ABTB3: variants seen among roughly 807,000 people sequenced by gnomAD.
The protein encoded by ABTB3 is ankyrin repeat- and BTB/POZ domain-containing protein 3.
At chr12:107,548,880 A>G in the ABTB3 span, among the ~76,000 whole-genome samples, 1 of 152,156 alleles carries the variant, frequency 6.6e-6, no homozygotes, top group Non-Finnish European at 1.5e-5. Context: ...TTAGTAATTT[A>G]TTACCACAAG....
chr12:107,541,624 T>C, the ABTB3 span, among the ~76,000 whole-genome samples: 1 of 152,260 alleles, frequency 6.6e-6, no homozygotes, highest in Non-Finnish European at 1.5e-5. Context: ...GTCTTTTCTC[T>C]TAAAGCCTTC....
At chr12:107,505,157 C>A in the ABTB3 span, among the ~76,000 whole-genome samples, 1 of 152,064 alleles carries the variant, frequency 6.6e-6, no homozygotes, top group African/African-American at 2.4e-5. Context: ...CCTAACTGCC[C>A]ATCACCTTCC....
the ABTB3 span, among the ~76,000 whole-genome samples, chr12:107,581,925 C>T: frequency 6.6e-6 from 1 of 152,166 alleles, no homozygotes; most frequent in Non-Finnish European, 1.5e-5. Flanking sequence ...TGTGTGCGTG[C>T]GCGTGCACGC....
the ABTB3 span, among the ~76,000 whole-genome samples, chr12:107,353,082 T>C: frequency 6.6e-6 from 1 of 152,216 alleles, no homozygotes; most frequent in Non-Finnish European, 1.5e-5. Context: ...GTGATGGTCA[T>C]GTGGCTTAGT....
the ABTB3 span, among the ~76,000 whole-genome samples, chr12:107,442,212 G>A: frequency 8.5e-5 from 13 of 152,228 alleles, no homozygotes; most frequent in African/African-American, 3.1e-4. Flanking sequence ...TAAATGTATA[G>A]ATGAGTGAGT....
the ABTB3 span, among the ~76,000 whole-genome samples, chr12:107,533,906 A>G: frequency 6.6e-6 from 1 of 152,378 alleles, no homozygotes; most frequent in South Asian, 2.1e-4. Context: ...ATTTTTAAAA[A>G]CTGAAATCAT....
the ABTB3 span, among the ~76,000 whole-genome samples, chr12:107,517,763 T>C: frequency 2.0e-5 from 3 of 152,060 alleles, no homozygotes; most frequent in South Asian, 4.1e-4. Context: ...AATTGACAAA[T>C]GGGATCTAAT....
the ABTB3 span, among the ~76,000 whole-genome samples, chr12:107,553,413 T>C: frequency 6.6e-6 from 1 of 152,184 alleles, no homozygotes; most frequent in East Asian, 1.9e-4. Flanking sequence ...CCCAAGGTCA[T>C]GCACATTGGG....
chr12:107,628,824 C>A, the ABTB3 span, among the ~76,000 whole-genome samples: 1 of 152,146 alleles, frequency 6.6e-6, no homozygotes, highest in African/African-American at 2.4e-5. Flanking sequence ...GAAAAGAACA[C>A]CAAGGCCCAG....
At chr12:107,413,398 A>AT in the ABTB3 span, among the ~76,000 whole-genome samples, 1 of 152,232 alleles carries the variant, frequency 6.6e-6, no homozygotes, top group East Asian at 1.9e-4. Context: ...CACACAGCTC[A>AT]CAGCCTGAGC....
the ABTB3 span, among the ~76,000 whole-genome samples, chr12:107,532,376 C>A: frequency 1.3e-5 from 2 of 152,210 alleles, no homozygotes; most frequent in Admixed American, 1.3e-4. Flanking sequence ...CATACCACAT[C>A]CATCACAAAC....
the ABTB3 span, among the ~76,000 whole-genome samples, chr12:107,492,681 C>T: frequency 6.6e-6 from 1 of 152,128 alleles, no homozygotes; most frequent in African/African-American, 2.4e-5. Flanking sequence ...GAGTTAACGG[C>T]CGCTGTGGGA....
chr12:107,386,688 G>A, the ABTB3 span, among the ~76,000 whole-genome samples: 1 of 152,058 alleles, frequency 6.6e-6, no homozygotes, highest in Non-Finnish European at 1.5e-5. Flanking sequence ...TCATTCCCTT[G>A]GCCTTTGTTA....
At chr12:107,658,189 T>G in the ABTB3 span, 1 of 154,192 alleles carries the variant, frequency 6.5e-6, no homozygotes, top group Non-Finnish European at 1.4e-5. Context: ...TCTGGCAAAT[T>G]TTTAGGGGTG....
the ABTB3 span, among the ~76,000 whole-genome samples, chr12:107,364,136 C>G: frequency 6.6e-6 from 1 of 152,032 alleles, no homozygotes; most frequent in Non-Finnish European, 1.5e-5. Flanking sequence ...GGCCAGTGAC[C>G]CCAGACAGTT....
the ABTB3 span, among the ~76,000 whole-genome samples, chr12:107,552,209 T>C: frequency 6.6e-6 from 1 of 152,220 alleles, no homozygotes; most frequent in Admixed American, 6.5e-5. Flanking sequence ...CAAGCCCTGG[T>C]CTGGGCTCCT....
chr12:107,391,577 G>A, the ABTB3 span, among the ~76,000 whole-genome samples: 1 of 152,152 alleles, frequency 6.6e-6, no homozygotes, highest in South Asian at 2.1e-4. Context: ...ACTTAGAGAG[G>A]CAAAATGAAT....
the ABTB3 span, among the ~76,000 whole-genome samples, chr12:107,409,359 A>T: frequency 6.6e-6 from 1 of 152,370 alleles, no homozygotes; most frequent in African/African-American, 2.4e-5. Flanking sequence ...TAGTTCAACC[A>T]TTGTGGAAAA....
chr12:107,406,539 T>C, the ABTB3 span, among the ~76,000 whole-genome samples: 24,754 of 152,124 alleles, frequency 0.16, 3,946 homozygotes, highest in East Asian at 0.42. Flanking sequence ...AACCTCACCA[T>C]GCATGCTCCT....
Sources: gnomAD v4.1 joint callset for allele counts (sites outside exome capture counted in the v4.1 genomes callset) on GRCh38, gnomAD v4.1.1 for gene constraint, MANE v1.5 for transcripts, NCBI Gene and HGNC (gene_info 2026-07-23, HGNC 2026-07-21) for gene names.